Variants in EXOC6B observed in about 807,000 individuals in gnomAD.
EXOC6B encodes the protein SEC15 homolog B.
Under a neutral mutation model 113.5 loss-of-function variants are expected in EXOC6B, and 54 were observed. The ratio of observed to expected loss-of-function variants is 0.48; its 90% CI spans 0.38 to 0.60. The LOEUF is 0.60. Among genes scored for constraint, EXOC6B ranks in the 20% least tolerant of loss-of-function variants. The pLI is 0.00. For missense variants in EXOC6B, 797 were observed against 977.5 expected (o/e 0.82, Z 2.46); for synonymous variants, 357 against 339.0 (o/e 1.05, Z -0.58).
At chr2:72,671,785 A>AAGAAAG (rs61157588) in intron 6 of EXOC6B, among the ~76,000 whole-genome samples, 1 of 128,126 alleles carries the variant, frequency 7.8e-6, no homozygotes, top group African/African-American at 3.4e-5. Flanking sequence ...GAAAGAAAGA[A>AAGAAAG]AGAAAGAAAG....
At chr2:72,565,838 T>A (rs550294378) in intron 7 of EXOC6B, among the ~76,000 whole-genome samples, 8 of 152,088 alleles carry the variant, frequency 5.3e-5, no homozygotes, top group Non-Finnish European at 1.0e-4. Context: ...CATGCATTGC[T>A]GGGGTGGGTG....
chr2:72,698,396 G>T (rs1289247527), intron 6 of EXOC6B, among the ~76,000 whole-genome samples: 1 of 152,124 alleles, frequency 6.6e-6, no homozygotes, highest in Non-Finnish European at 1.5e-5. Flanking sequence ...AAGAAAAAGG[G>T]AGCATCTCTG....
At chr2:72,738,814 A>G (rs2104804235) in intron 2 of EXOC6B, among the ~76,000 whole-genome samples, 1 of 152,258 alleles carries the variant, frequency 6.6e-6, no homozygotes, top group East Asian at 1.9e-4. Context: ...CATCTCTACT[A>G]AAAATACAAA....
chr2:72,313,174 GGAACAACACAGAGA>G (rs1468945718), intron 20 of EXOC6B, among the ~76,000 whole-genome samples: 5 of 75,794 alleles, frequency 6.6e-5, no homozygotes, highest in Non-Finnish European at 6.9e-5. Flanking sequence ...TACACAGAGA[GGAACAACACAGAGA>G]GGAACAACAC....
intron 1 of EXOC6B, among the ~76,000 whole-genome samples, chr2:72,759,648 A>C (rs898244601): frequency 1.3e-5 from 2 of 152,174 alleles, no homozygotes; most frequent in Non-Finnish European, 2.9e-5. Context: ...AACCCAAAAA[A>C]CTCTAGAATC....
rs111823573 is a variant in EXOC6B at position 72,555,736 on chromosome 2, T to C, written c.915+3717A>G. On this transcript the variant is annotated intron_variant, in intron 8 of 21. Coordinates refer to ENST00000272427, the MANE Select transcript of EXOC6B (RefSeq NM_015189.3). Reference sequence around the variant, plus strand: ...ATCTCGGCTCACTACAACCTCCACATCCCAGATTCAAACAATTTTCCTGCC... The same window carrying C: ...ATCTCGGCTCACTACAACCTCCACACCCCAGATTCAAACAATTTTCCTGCC... 1.4e-4 allele frequency among the ~76,000 whole-genome samples: 22 copies of C among 152,262 alleles called. 2 individuals are homozygous for C. The highest frequency in any genetic ancestry group is 4.6e-4 in the African/African-American group (19 of 41,566).
intron 1 of EXOC6B, among the ~76,000 whole-genome samples, chr2:72,746,940 G>A (rs568357327): frequency 6.6e-6 from 1 of 151,982 alleles, no homozygotes; most frequent in African/African-American, 2.4e-5. Flanking sequence ...CTGAGGCCCA[G>A]GCAAGTTAAA....
chr2:72,382,691 T>C (rs1691761060), intron 18 of EXOC6B, among the ~76,000 whole-genome samples: 1 of 152,162 alleles, frequency 6.6e-6, no homozygotes, highest in African/African-American at 2.4e-5. Context: ...TTTTGAGTCA[T>C]CTCTGATTTA....
intron 18 of EXOC6B, among the ~76,000 whole-genome samples, chr2:72,438,310 GA>G (rs775849981): frequency 0.023 from 3,170 of 138,650 alleles, 90 homozygotes; most frequent in African/African-American, 0.07. Flanking sequence ...AATCTTTGTG[GA>G]AAAAAAAAAA....
chr2:72,642,894 C>T (rs1673371467), intron 6 of EXOC6B, among the ~76,000 whole-genome samples: 1 of 148,306 alleles, frequency 6.7e-6, no homozygotes, highest in Non-Finnish European at 1.5e-5. Context: ...CCAGAATCTA[C>T]AATGAACTCA....
At chr2:72,791,000 T>C (rs755292803) in intron 1 of EXOC6B, among the ~76,000 whole-genome samples, 38 of 152,098 alleles carry the variant, frequency 2.5e-4, no homozygotes, top group South Asian at 2.1e-4. Context: ...TACAGCTAGA[T>C]AGGAGCAATA....
intron 8 of EXOC6B, among the ~76,000 whole-genome samples, chr2:72,551,665 C>T (rs1703234390): frequency 6.6e-6 from 1 of 151,196 alleles, no homozygotes; most frequent in Non-Finnish European, 1.5e-5. Flanking sequence ...CCACCACGCC[C>T]GGCTAATTTT....
chr2:72,605,155 T>A (rs981101701), intron 6 of EXOC6B, among the ~76,000 whole-genome samples: 5 of 151,516 alleles, frequency 3.3e-5, no homozygotes, highest in African/African-American at 1.2e-4. Context: ...TGATGGCGGG[T>A]GCTTGTAATC....
At chr2:72,249,032 G>A (rs1682845177) in intron 20 of EXOC6B, among the ~76,000 whole-genome samples, 2 of 152,342 alleles carry the variant, frequency 1.3e-5, no homozygotes, top group Middle Eastern at 3.4e-3. Flanking sequence ...GGGAGGCCAA[G>A]GTGGGAGGAG....
At chr2:72,583,732 G>GTTT (rs56113927) in intron 6 of EXOC6B, among the ~76,000 whole-genome samples, 3 of 151,260 alleles carry the variant, frequency 2.0e-5, no homozygotes, top group African/African-American at 7.3e-5. Flanking sequence ...TTTTGTTTTT[G>GTTT]TTTTTTTTGA....
chr2:72,662,015 A>T (rs761163259), intron 6 of EXOC6B, among the ~76,000 whole-genome samples: 1 of 146,980 alleles, frequency 6.8e-6, no homozygotes, highest in Non-Finnish European at 1.5e-5. Context: ...AAAGAAAGAA[A>T]CTGGGGAAAG....
chr2:72,466,428 TC>T (rs1698063399), intron 17 of EXOC6B, among the ~76,000 whole-genome samples: 1 of 152,028 alleles, frequency 6.6e-6, no homozygotes, highest in East Asian at 1.9e-4. Context: ...CTTTACCTGT[TC>T]AACTCAGACC....
intron 5 of EXOC6B, among the ~76,000 whole-genome samples, chr2:72,728,589 A>G (rs761576219): frequency 1.3e-5 from 2 of 152,162 alleles, no homozygotes; most frequent in African/African-American, 2.4e-5. Context: ...CAGGTATGCT[A>G]TGCTCCCTGA....
intron 20 of EXOC6B, among the ~76,000 whole-genome samples, chr2:72,284,976 G>T (rs77844210): frequency 6.6e-6 from 1 of 152,054 alleles, no homozygotes; most frequent in African/African-American, 2.4e-5. Flanking sequence ...AAATATCAAA[G>T]AATAACAAAT....
Sources: allele counts gnomAD v4.1 joint callset (sites outside exome capture counted in the v4.1 genomes callset), GRCh38; gene constraint gnomAD v4.1.1; transcripts MANE v1.5; gene names NCBI Gene and HGNC (gene_info 2026-07-23, HGNC 2026-07-21).